UBE2L3: variants seen among roughly 807,000 people sequenced by gnomAD.
The protein encoded by UBE2L3 is ubiquitin conjugating enzyme E2 L3.
In UBE2L3, 1 loss-of-function variant was observed where a neutral mutation model predicts 17.8. That is an observed-to-expected ratio of 0.06 (90% confidence interval 0.02 to 0.27). The LOEUF is 0.27. Among genes scored for constraint, UBE2L3 ranks in the 10% least tolerant of loss-of-function variants. The probability of loss-of-function intolerance (pLI) is 1.00; values close to 1 mark genes in which losing one functional copy is unlikely to be tolerated. For missense variants in UBE2L3, 40 were observed against 192.6 expected (o/e 0.21, Z 4.69); for synonymous variants, 44 against 68.5 (o/e 0.64, Z 1.76).
chr22:21,581,377 A>G (rs1927627541), intron 1 of UBE2L3, among the ~76,000 whole-genome samples: 2 of 152,166 alleles, frequency 1.3e-5, no homozygotes, highest in South Asian at 4.2e-4. Context: ...ATTTGTAGAG[A>G]TGGGATCTTG....
At chr22:21,569,010 C>T (rs1324646886) in intron 1 of UBE2L3, among the ~76,000 whole-genome samples, 2 of 152,160 alleles carry the variant, frequency 1.3e-5, no homozygotes, top group South Asian at 2.1e-4. Context: ...CCACCATTCA[C>T]CAGATAAGGG....
Position 21,606,525 on chromosome 22 carries a change from C to A in UBE2L3, c.124-4332C>A, listed in dbSNP as rs1250851680. 5.3e-5 allele frequency among the ~76,000 whole-genome samples: 8 copies of A among 152,058 alleles called. No individual in the cohort carries two copies. The South Asian group carries it at 1.7e-3, about 32-fold the overall frequency. ...AAATGACAATGATGTTTACTTACTT[C>A]CCCCCACCACCACCACCATTTAATT... is the stretch of plus-strand genomic sequence containing the variant. On this transcript the variant is annotated intron_variant, in intron 2 of 3. Transcript: ENST00000342192.
At chr22:21,554,306 G>A (rs1425049453) in intron 1 of UBE2L3, among the ~76,000 whole-genome samples, 1 of 45,236 alleles carries the variant, frequency 2.2e-5, no homozygotes, top group Admixed American at 1.8e-4. Context: ...ACTCCAGCCT[G>A]GGCGACAGAG....
At chr22:21,577,184 G>T (rs529408068) in intron 1 of UBE2L3, among the ~76,000 whole-genome samples, 1 of 151,646 alleles carries the variant, frequency 6.6e-6, no homozygotes, top group South Asian at 2.1e-4. Context: ...TAGCCAGGAT[G>T]GTCTCGATCT....
At chr22:21,604,038 A>G (rs1469631096) in intron 2 of UBE2L3, among the ~76,000 whole-genome samples, 1 of 151,654 alleles carries the variant, frequency 6.6e-6, no homozygotes, top group Non-Finnish European at 1.5e-5. Context: ...CGGCCTTCCA[A>G]AGTGCTGGAG....
chr22:21,576,439 A>C (rs145846397), intron 1 of UBE2L3, among the ~76,000 whole-genome samples: 307 of 151,992 alleles, frequency 2.0e-3, no homozygotes, highest in African/African-American at 7.3e-3. Flanking sequence ...CCAGGACTAC[A>C]AGTGCCCGCC....
intron 2 of UBE2L3, among the ~76,000 whole-genome samples, chr22:21,604,589 T>C (rs931326814): frequency 6.6e-6 from 1 of 152,228 alleles, no homozygotes; most frequent in African/African-American, 2.4e-5. Context: ...TGTTTTATAA[T>C]ATATATATTT....
chr22:21,560,808 C>A (rs1372681112), intron 1 of UBE2L3, among the ~76,000 whole-genome samples: 1 of 150,780 alleles, frequency 6.6e-6, no homozygotes, highest in Non-Finnish European at 1.5e-5. Flanking sequence ...GCTTTGCCCA[C>A]TTCCCAAAGG....
intron 1 of UBE2L3, among the ~76,000 whole-genome samples, chr22:21,574,915 A>G (rs1240113860): frequency 6.6e-6 from 1 of 151,930 alleles, no homozygotes; most frequent in Non-Finnish European, 1.5e-5. Flanking sequence ...CAGCGAGCTG[A>G]GATCGTGCCA....
intron 2 of UBE2L3, among the ~76,000 whole-genome samples, chr22:21,593,523 C>T (rs1341422000): frequency 6.6e-6 from 1 of 152,112 alleles, no homozygotes; most frequent in Non-Finnish European, 1.5e-5. Context: ...TCCCCCATCT[C>T]ACAGTCTTCT....
chr22:21,611,071 G>C (rs369173992), intron 3 of UBE2L3, 28 bp downstream of exon 3: 26 of 1,556,332 alleles, frequency 1.7e-5, no homozygotes, highest in Non-Finnish European at 2.1e-5. Context: ...GTCTTCCTCG[G>C]AGGGGGTCTT....
chr22:21,602,821 C>G (rs1928936236), intron 2 of UBE2L3, among the ~76,000 whole-genome samples: 5 of 152,162 alleles, frequency 3.3e-5, no homozygotes, highest in Admixed American at 6.5e-5. Flanking sequence ...TCCCCTCGTC[C>G]CCGCATCCCA....
intron 2 of UBE2L3, among the ~76,000 whole-genome samples, chr22:21,596,665 T>TAC (rs1329649063): frequency 6.6e-6 from 1 of 152,012 alleles, no homozygotes; most frequent in Non-Finnish European, 1.5e-5. Flanking sequence ...TTTTGTACTT[T>TAC]TAGTAGAGAC....
chr22:21,569,258 T>G (rs1022162067), intron 1 of UBE2L3, among the ~76,000 whole-genome samples: 2 of 151,848 alleles, frequency 1.3e-5, no homozygotes, highest in Non-Finnish European at 2.9e-5. Context: ...TAGCTGGGCG[T>G]GGTTGCATTT....
chr22:21,582,216 A>G (rs1601407175), intron 1 of UBE2L3, among the ~76,000 whole-genome samples: 1 of 150,880 alleles, frequency 6.6e-6, no homozygotes, highest in East Asian at 1.9e-4. Flanking sequence ...GATTTTTTCC[A>G]TGTGCTTAGC....
intron 1 of UBE2L3, among the ~76,000 whole-genome samples, chr22:21,576,001 T>C (rs1423013124): frequency 6.6e-6 from 1 of 152,140 alleles, no homozygotes; most frequent in Non-Finnish European, 1.5e-5. Flanking sequence ...ACCTTGCATA[T>C]TGTAAACATC....
intron 1 of UBE2L3, among the ~76,000 whole-genome samples, chr22:21,572,438 A>AAAG (rs1568970883): frequency 6.7e-6 from 1 of 150,206 alleles, no homozygotes; most frequent in East Asian, 1.9e-4. Flanking sequence ...AAAAAAAAAA[A>AAAG]AAAGAAAACC....
intron 2 of UBE2L3, among the ~76,000 whole-genome samples, chr22:21,609,954 A>G (rs1268941466): frequency 6.6e-6 from 1 of 152,196 alleles, no homozygotes; most frequent in Non-Finnish European, 1.5e-5. Flanking sequence ...TGAACCCAGG[A>G]GGCGGAGGTT....
intron 1 of UBE2L3, among the ~76,000 whole-genome samples, chr22:21,573,215 A>C (rs181332060): frequency 6.6e-6 from 1 of 152,210 alleles, no homozygotes; most frequent in Non-Finnish European, 1.5e-5. Context: ...ATTGGAGCAG[A>C]ATTTAGTAGG....
Sources: gnomAD v4.1 joint callset for allele counts (sites outside exome capture counted in the v4.1 genomes callset) on GRCh38, gnomAD v4.1.1 for gene constraint, MANE v1.5 for transcripts, NCBI Gene and HGNC (gene_info 2026-07-23, HGNC 2026-07-21) for gene names.